The following TENM3 variants were observed in gnomAD, a reference collection of about 807,000 sequenced individuals.
The protein encoded by TENM3 is teneurin transmembrane protein 3.
Under a neutral mutation model 255.1 loss-of-function variants are expected in TENM3, and 63 were observed. The observed-to-expected ratio is 0.25, with a 90% CI of 0.20 to 0.30. TENM3 has a LOEUF of 0.30. Among genes scored for constraint, TENM3 ranks in the 10% least tolerant of loss-of-function variants. The probability of loss-of-function intolerance (pLI) is 1.00; values close to 1 mark genes in which losing one functional copy is unlikely to be tolerated. For missense variants in TENM3, 2,929 were observed against 3,461.1 expected (o/e 0.85, Z 3.86); for synonymous variants, 1,306 against 1,322.3 (o/e 0.99, Z 0.27).
At chr4:182,769,365 G>A (rs887385930) in intron 22 of TENM3, among the ~76,000 whole-genome samples, 1 of 150,956 alleles carries the variant, frequency 6.6e-6, no homozygotes, top group Admixed American at 6.6e-5. Context: ...CCTTCATCTC[G>A]TTTTCATTTC....
chr4:182,740,129 G>A (rs1271409519), intron 18 of TENM3, among the ~76,000 whole-genome samples: 1 of 152,208 alleles, frequency 6.6e-6, no homozygotes, highest in African/African-American at 2.4e-5. Flanking sequence ...CAAAAAAGCA[G>A]AAAAACCCTT....
At chr4:182,519,877 T>G (rs1738380410) in intron 3 of TENM3, among the ~76,000 whole-genome samples, 1 of 152,150 alleles carries the variant, frequency 6.6e-6, no homozygotes, top group South Asian at 2.1e-4. Context: ...TATACAGTTG[T>G]TGTATTTGGG....
the TENM3 span, among the ~76,000 whole-genome samples, chr4:181,610,824 A>G: frequency 6.6e-6 from 1 of 152,174 alleles, no homozygotes; most frequent in Non-Finnish European, 1.5e-5. Flanking sequence ...CAGAACAAGA[A>G]GTATAAGAAT....
At chr4:182,678,469 ATAAC>A (rs1755830639) in intron 7 of TENM3, among the ~76,000 whole-genome samples, 2 of 152,212 alleles carry the variant, frequency 1.3e-5, no homozygotes, top group Admixed American at 6.5e-5. Flanking sequence ...TAATCTAACA[ATAAC>A]TAAGTAAAGC....
At chr4:182,485,226 T>G (rs2151540623) in intron 3 of TENM3, among the ~76,000 whole-genome samples, 1 of 152,250 alleles carries the variant, frequency 6.6e-6, no homozygotes, top group Admixed American at 6.5e-5. Context: ...TATAACATTT[T>G]CCCCTTCATT....
chr4:181,876,150 C>A, the TENM3 span, among the ~76,000 whole-genome samples: 1 of 152,312 alleles, frequency 6.6e-6, no homozygotes, highest in East Asian at 1.9e-4. Context: ...TGCAGACTGA[C>A]AACTTGAATG....
At chr4:181,826,677 A>G in the TENM3 span, among the ~76,000 whole-genome samples, 1 of 152,240 alleles carries the variant, frequency 6.6e-6, no homozygotes, top group Non-Finnish European at 1.5e-5. Flanking sequence ...TAAAGCAGCG[A>G]ATCTTAACCC....
the TENM3 span, among the ~76,000 whole-genome samples, chr4:181,711,914 G>A: frequency 1.3e-5 from 2 of 152,156 alleles, no homozygotes; most frequent in Admixed American, 1.3e-4. Context: ...CATGTGTAGT[G>A]TTTGAACAGA....
At chr4:182,109,236 A>G in the TENM3 span, among the ~76,000 whole-genome samples, 40 of 130,548 alleles carry the variant, frequency 3.1e-4, no homozygotes, top group African/African-American at 1.1e-3. Flanking sequence ...TTTATAAATT[A>G]TGCTTTACTC....
the TENM3 span, among the ~76,000 whole-genome samples, chr4:181,798,150 C>G: frequency 3.2e-4 from 48 of 151,724 alleles, no homozygotes; most frequent in African/African-American, 1.1e-3. Context: ...AAGAATCAAA[C>G]TCATAGAATT....
the TENM3 span, among the ~76,000 whole-genome samples, chr4:181,496,447 C>A: frequency 6.6e-6 from 1 of 152,140 alleles, no homozygotes; most frequent in Non-Finnish European, 1.5e-5. Flanking sequence ...AAATCAGTAG[C>A]CCACAGACCA....
At chr4:182,337,499 C>T (rs1474693821) in intron 2 of TENM3, among the ~76,000 whole-genome samples, 1 of 152,114 alleles carries the variant, frequency 6.6e-6, no homozygotes, top group Non-Finnish European at 1.5e-5. Flanking sequence ...TGAAATACTA[C>T]CACTCATCTT....
At chr4:181,582,684 A>C in the TENM3 span, among the ~76,000 whole-genome samples, 1 of 139,828 alleles carries the variant, frequency 7.2e-6, no homozygotes, top group Non-Finnish European at 1.6e-5. Flanking sequence ...AAAAAAAAAA[A>C]AAGAAAGAAA....
intron 3 of TENM3, among the ~76,000 whole-genome samples, chr4:182,446,902 G>C (rs1181643577): frequency 1.3e-5 from 2 of 151,404 alleles, no homozygotes; most frequent in Non-Finnish European, 2.9e-5. Flanking sequence ...CCCCTCAGAA[G>C]ACACATGCAT....
the TENM3 span, among the ~76,000 whole-genome samples, chr4:181,894,504 T>C: frequency 6.6e-6 from 1 of 152,144 alleles, no homozygotes; most frequent in African/African-American, 2.4e-5. Flanking sequence ...TAAGAACTTA[T>C]TTGAAGAGTG....
At chr4:182,226,624 G>A (rs867572824) in intron 1 of TENM3, among the ~76,000 whole-genome samples, 73 of 152,254 alleles carry the variant, frequency 4.8e-4, no homozygotes, top group African/African-American at 1.8e-3. Flanking sequence ...GGATGGAGTG[G>A]CTGAGTCTCC....
intron 7 of TENM3, among the ~76,000 whole-genome samples, chr4:182,678,907 A>G (rs1255426255): frequency 2.6e-5 from 4 of 152,220 alleles, no homozygotes; most frequent in Non-Finnish European, 5.9e-5. Flanking sequence ...GGGAGCTAAA[A>G]AAGTGAATGA....
the TENM3 span, among the ~76,000 whole-genome samples, chr4:181,534,199 C>A: frequency 6.8e-6 from 1 of 147,218 alleles, no homozygotes. Context: ...CATTGCACTC[C>A]AGCCTGGGCA....
intron 1 of TENM3, among the ~76,000 whole-genome samples, chr4:182,226,526 T>C (rs1355533844): frequency 6.6e-6 from 1 of 152,158 alleles, no homozygotes. Flanking sequence ...ATCAAGCTGA[T>C]GATGAGCATA....
Sources: gnomAD v4.1 joint callset for allele counts (sites outside exome capture counted in the v4.1 genomes callset) on GRCh38, gnomAD v4.1.1 for gene constraint, MANE v1.5 for transcripts, NCBI Gene and HGNC (gene_info 2026-07-23, HGNC 2026-07-21) for gene names.